ITIH1: variants seen among roughly 807,000 people sequenced by gnomAD.
ITIH1 encodes inter-alpha-trypsin inhibitor heavy chain 1.
Under a neutral mutation model 104.6 loss-of-function variants are expected in ITIH1, and 94 were observed. The observed-to-expected ratio is 0.90, with a 90% confidence interval of 0.76 to 1.07. ITIH1 has a LOEUF of 1.07. Ranked by LOEUF, ITIH1 falls within the 50% of genes least tolerant of loss-of-function variation. ITIH1 has a pLI of 0.00. For missense variants in ITIH1, 1,193 were observed against 1,181.4 expected, an observed-to-expected ratio of 1.01 and a Z score of -0.14; for synonymous variants, 455 against 464.4, an observed-to-expected ratio of 0.98 and a Z score of 0.26.
In ITIH1 at chr3:52,790,887, T is replaced by C. The variant is rs1699336800; in HGVS notation, c.2460T>C (p.Ser820=). 1 of 1,607,454 alleles carries C rather than the reference T, an allele frequency of 6.2e-7. No homozygotes were observed. Among genetic ancestry groups the C allele is most frequent in the Admixed American group, 1.7e-5 (1 of 58,330 alleles). ...QDFLGFYVLD[S]HRMSARTHGL... The stretch of plus-strand genomic sequence containing the variant: ...TCCTGGGCTTCTATGTGCTGGACAG[T>C]CATCGGATGTCAGCCCGGACGCACG... The change falls in exon 20 of 22, where the codon AGT becomes AGC. Residue 820 remains serine (S), a synonymous_variant. Transcript: ENST00000273283.
intron 10 of ITIH1, among the ~76,000 whole-genome samples, chr3:52,784,029 T>C (rs549027735): frequency 2.0e-5 from 3 of 152,258 alleles, no homozygotes; most frequent in East Asian, 1.9e-4. Context: ...TCGCAGTCCA[T>C]GGCAAAGGAG....
chr3:52,788,134 CTCTG>C lies in ITIH1; in HGVS notation c.2005+72_2005+75del, dbSNP rs1021646158. On this transcript the variant is annotated intron_variant, in intron 17 of 21. Transcript: ENST00000273283. Reference sequence around the variant, plus strand: ...CCACCCTATCTGGCTGTCTCTCTCTCTCTGTCTCTCTCTGGGACCTGCCTAGCTG... The same window carrying C: ...CCACCCTATCTGGCTGTCTCTCTCTCTCTCTCTCTGGGACCTGCCTAGCTG... 2.2e-5 allele frequency: 34 copies of C among 1,516,188 alleles called. No homozygotes were observed. In the African/African-American group the frequency reaches 4.1e-4, roughly 18 times the overall value. 93.9% of individuals were successfully genotyped at this position (1,516,188 alleles called of 1,614,324 possible).
chr3:52,787,026 A>G lies in ITIH1; in HGVS notation c.1815A>G (p.Pro605=). The change falls in exon 14 of 22, where the codon CCA becomes CCG. Residue 605 remains proline, a synonymous_variant. Coordinates refer to ENST00000273283, the MANE Select transcript of ITIH1 (RefSeq NM_002215.4). ...CGCTGGACTATGGGTTTGTGACCCC[A>G]CTGACCTCCATGAGCATCAGGGGCA... ...QMSLDYGFVT[P]LTSMSIRGMA... 6.2e-7 allele frequency: 1 copy of G among 1,614,152 alleles called. No homozygotes were observed. Among genetic ancestry groups the G allele is most frequent in the Non-Finnish European group, 8.5e-7 (1 of 1,180,000 alleles).
intron 12 of ITIH1, among the ~76,000 whole-genome samples, chr3:52,785,697 TTCAGAAC>T (rs1699180393): frequency 6.6e-6 from 1 of 152,166 alleles, no homozygotes; most frequent in South Asian, 2.1e-4. Context: ...TGGTCGAAGG[TTCAGAAC>T]TCAGGCTTTG....
Position 52,779,106 on chromosome 3 carries a change from T to A in ITIH1, c.410+60T>A. The A allele has an allele frequency of 8.2e-7, 1 of 1,217,286 alleles. No individual in the cohort carries two copies. Among genetic ancestry groups the A allele is most frequent in the Non-Finnish European group, 1.2e-6 (1 of 819,044 alleles). 75.4% of individuals were successfully genotyped at this position (1,217,286 alleles called of 1,614,324 possible). The stretch of plus-strand genomic sequence containing the variant: ...CTGCCCTCCCCAGCCAGGACAGGTC[T>A]GATGGCTGCAAGGTGGCTTTAGTGG... On this transcript the variant is annotated intron_variant, in intron 4 of 21. Coordinates refer to ENST00000273283, the MANE Select transcript of ITIH1 (RefSeq NM_002215.4). The surrounding 1 kb of genome is among the most constrained non-coding windows in gnomAD (Gnocchi z 4.4).
rs1036300646 is a variant in ITIH1, at chr3:52,785,026, C to A, written c.1408-18C>A. 8 of 1,613,332 alleles carry A rather than the reference C, an allele frequency of 5.0e-6. No individual in the cohort carries two copies. Among genetic ancestry groups the A allele is most frequent in the Non-Finnish European group, 6.8e-6 (8 of 1,179,636 alleles). On this transcript the variant is annotated intron_variant, in intron 11 of 21. Transcript: ENST00000273283. ...CCCAGGGTGCTCAGCTCTAAGGCTG[C>A]AACCTCTATCCCTGCAGGGTTTCTA...
chr3:52,791,742 T>A (rs1268529820), intron 21 of ITIH1, 40 bp from the exon 22 acceptor site: 1 of 1,606,364 alleles, frequency 6.2e-7, no homozygotes, highest in East Asian at 2.2e-5. Flanking sequence ...GCTGCCCTAC[T>A]GGTCCGAAGG....
chr3:52,777,641 G>C lies in ITIH1; in HGVS notation c.26G>C (p.Gly9Ala). 6.3e-7 allele frequency: 1 copy of C among 1,597,142 alleles called. No individual in the cohort carries two copies. Among genetic ancestry groups the C allele is most frequent in the Non-Finnish European group, 8.5e-7 (1 of 1,172,602 alleles). ...ATGGACGGTGCCATGGGGCCTCGGG[G>C]GCTGCTGTTGTGCATGTACCTGGTA... MDGAMGPR[G>A]LLLCMYLVSL... is the part of the protein sequence containing the mutation. Residue 9 changes from glycine to alanine, a missense_variant, in exon 1 of 22, where the codon GGG (glycine) becomes GCG (alanine). By Grantham distance (60) the Gly-to-Ala change is moderately conservative. Transcript: ENST00000273283.
intron 12 of ITIH1, 35 bp from the exon 13 acceptor site, chr3:52,786,260 T>C: frequency 1.3e-6 from 2 of 1,554,004 alleles, no homozygotes; most frequent in Non-Finnish European, 1.7e-6. Flanking sequence ...GTGCTTATCA[T>C]GGTGCACCAC....
At position 52,787,983 on chromosome 3, in the gene ITIH1, C is replaced by G; in HGVS notation, c.1925-3C>G. ...TTCTAAATGCCACTCCCCCTCCCAT[C>G]AGCGTTCGTGCTGTCAGCCTTGCAG... On this transcript the variant is annotated splice_region_variant and splice_polypyrimidine_tract_variant and intron_variant, in intron 16 of 21. Coordinates refer to ENST00000273283, the MANE Select transcript of ITIH1 (RefSeq NM_002215.4). 6.2e-7 allele frequency: 1 copy of G among 1,613,584 alleles called. No individual in the cohort carries two copies. The highest frequency in any genetic ancestry group is 1.3e-5 in the African/African-American group (1 of 75,040).
rs961058332 is a variant in ITIH1 at position 52,777,912 on chromosome 3, C to A, written c.118-85C>A. The A allele has an allele frequency of 2.6e-6, 4 of 1,537,312 alleles. No homozygotes were observed. In the African/African-American group the frequency reaches 5.5e-5, roughly 21 times the overall value. ...GAAGCTAAGGGGCAGAGGACACAGG[C>A]TGTGTTCCACTCCCATCCCTGAACT... is the stretch of plus-strand genomic sequence containing the variant. On this transcript the variant is annotated intron_variant, in intron 1 of 21. Coordinates refer to ENST00000273283, the MANE Select transcript of ITIH1 (RefSeq NM_002215.4).
At chr3:52,784,618 C>A in intron 11 of ITIH1, 141 bp downstream of exon 11, 1 of 880,514 alleles carries the variant, frequency 1.1e-6, no homozygotes, top group Non-Finnish European at 1.7e-6. Flanking sequence ...GGCATGGTGG[C>A]TCAAGCCTGT....
Position 52,791,574 on chromosome 3 carries a change from C to T in ITIH1, c.2552C>T (p.Pro851Leu), listed in dbSNP as rs1699356876. 4 of 1,614,014 alleles carry T rather than the reference C, an allele frequency of 2.5e-6. No individual in the cohort carries two copies. The highest frequency in any genetic ancestry group is 1.7e-5 in the Admixed American group (1 of 60,004). ...TCTGACATCCACCCAGGCTCTGACC[C>T]CACAAAGCCAGATGCCACGATGGTG... The part of the protein sequence containing the change: ...EVSDIHPGSD[P>L]TKPDATMVVR... The change falls in exon 21 of 22, where the codon CCC becomes CTC. Residue 851 changes from proline (P) to leucine (L), a missense_variant. Transcript: ENST00000273283.
In ITIH1 at chr3:52,791,990, T is replaced by C; in HGVS notation, c.*79T>C. 6.8e-7 allele frequency: 1 copy of C among 1,468,378 alleles called. No individual in the cohort carries two copies. Among genetic ancestry groups the C allele is most frequent in the Non-Finnish European group, 9.3e-7 (1 of 1,080,886 alleles). The allele number at this position is 1,468,378 out of a possible 1,614,324, so 91.0% of individuals were successfully genotyped here. A position where few individuals can be genotyped will look rare whatever the true frequency, so the allele number is the denominator to read the frequency against. On this transcript the variant is annotated 3_prime_UTR_variant, in exon 22 of 22. Coordinates refer to ENST00000273283, the MANE Select transcript of ITIH1 (RefSeq NM_002215.4). ...CGACATCCTGACCTGCTGCTGAGGC[T>C]GTACCTCCTTGACTAAGCTGGTTCC...
chr3:52,786,649 C>T (rs1237065530), intron 13 of ITIH1, among the ~76,000 whole-genome samples: 1 of 152,260 alleles, frequency 6.6e-6, no homozygotes, highest in African/African-American at 2.4e-5. Flanking sequence ...ACACTCAGCA[C>T]ACAGAGGCTC....
intron 18 of ITIH1, among the ~76,000 whole-genome samples, chr3:52,788,576 T>TTTTC (rs61050665): frequency 2.6e-5 from 4 of 151,576 alleles, no homozygotes; most frequent in Admixed American, 2.6e-4. Context: ...TTTTTTTTTT[T>TTTTC]CTGAGACAGA....
At chr3:52,780,406 G>C (rs1473949656) in intron 6 of ITIH1, 24 bp downstream of exon 6, 12 of 1,544,538 alleles carry the variant, frequency 7.8e-6, no homozygotes, top group Non-Finnish European at 1.1e-5. Flanking sequence ...CAAGGGGGTG[G>C]TGGTGGGCCC....
chr3:52,780,232 T>C (rs1193207453), intron 5 of ITIH1, 37 bp from the exon 6 acceptor site: 4 of 1,411,418 alleles, frequency 2.8e-6, no homozygotes, highest in Non-Finnish European at 3.9e-6. Flanking sequence ...AGATCCCATC[T>C]TTTTTTTTAA....
chr3:52,778,914 T>C (rs756518088), intron 3 of ITIH1, 28 bp from the exon 4 acceptor site: 7 of 1,533,088 alleles, frequency 4.6e-6, no homozygotes, highest in Non-Finnish European at 6.3e-6. Context: ...GGCTCATCTT[T>C]CCTGAGGGTG....
Sources: gnomAD v4.1 joint callset for allele counts (sites outside exome capture counted in the v4.1 genomes callset) on GRCh38, gnomAD v4.1.1 for gene constraint, Gnocchi (gnomAD v3.1) non-coding constraint, MANE v1.5 for transcripts, NCBI Gene and HGNC (gene_info 2026-07-23, HGNC 2026-07-21) for gene names.